TRIM23: variants seen among roughly 807,000 people sequenced by gnomAD.
TRIM23 encodes E3 ubiquitin-protein ligase TRIM23.
A neutral mutation model predicts 71.0 loss-of-function variants in TRIM23; 27 were observed. The observed-to-expected ratio is 0.38, with a 90% CI of 0.28 to 0.52. The LOEUF is 0.52. Ranked by LOEUF, TRIM23 falls within the 20% of genes least tolerant of loss-of-function variation. The pLI is 0.84. For synonymous variants in TRIM23, 234 were observed against 238.0 expected (o/e 0.98, Z 0.16); for missense variants, 482 against 692.3 (o/e 0.70, Z 3.41).
intron 3 of TRIM23, 153 bp downstream of exon 3, chr5:65,613,945 T>C (rs1754717068): frequency 6.6e-7 from 1 of 1,524,614 alleles, no homozygotes; most frequent in East Asian, 2.4e-5. Flanking sequence ...CTCTTGGGAA[T>C]AGTGTTGGCC....
rs539033958 is a variant in TRIM23 at position 65,598,277 on chromosome 5, A to G, written c.1180-1097T>C. Among the ~76,000 whole-genome samples the G allele has an allele frequency of 7.2e-5, 11 of 152,344 alleles. 1 individual carries two copies. The East Asian group carries it at 2.1e-3, about 29-fold the overall frequency. On this transcript the variant is annotated intron_variant, in intron 7 of 10. Transcript: ENST00000231524. ...ACAGAACTACTTCTGTGAGAACTCT[A>G]GAGAACAGTTAAGAAACTACAGCAC...
intron 5 of TRIM23, 41 bp downstream of exon 5, chr5:65,610,820 T>C: frequency 6.6e-7 from 1 of 1,505,474 alleles, no homozygotes; most frequent in Non-Finnish European, 8.9e-7. Flanking sequence ...ATATGAAAAA[T>C]AAAAAAGAAT....
In TRIM23 at chr5:65,614,200, TC is replaced by T; in HGVS notation, c.263del (p.Gly88AspfsTer2). 1 of 1,613,536 alleles carries T rather than the reference TC, an allele frequency of 6.2e-7. No individual in the cohort carries two copies. The highest frequency in any genetic ancestry group is 1.1e-5 in the South Asian group (1 of 91,066). ...CCAATAAAGCAAAATTTTTTTTCAATCCCCAGACACCTGAATCACCTAGAAT... is the reference window on the plus strand; with the variant it reads ...CCAATAAAGCAAAATTTTTTTTCAATCCCAGACACCTGAATCACCTAGAAT... The part of the protein sequence containing the change: ...VTDLGDSGVW[G>X]LKKNFALLEL... On this transcript the variant is annotated frameshift_variant, in exon 3 of 11. Transcript: ENST00000231524. LOFTEE classifies it high-confidence loss of function.
At chr5:65,605,314 C>A (rs1205693715) in intron 6 of TRIM23, among the ~76,000 whole-genome samples, 2 of 152,112 alleles carry the variant, frequency 1.3e-5, no homozygotes, top group Admixed American at 6.6e-5. Context: ...ATTTCACAAA[C>A]ATAATGTGGA....
intron 7 of TRIM23, among the ~76,000 whole-genome samples, chr5:65,603,840 A>T (rs1323207449): frequency 6.6e-6 from 1 of 152,236 alleles, no homozygotes; most frequent in African/African-American, 2.4e-5. Flanking sequence ...AAAATAAAGC[A>T]ACCATTAAAA....
At chr5:65,606,478 AAAAAAAC>A (rs1754507288) in intron 6 of TRIM23, among the ~76,000 whole-genome samples, 1 of 143,862 alleles carries the variant, frequency 7.0e-6, no homozygotes, top group African/African-American at 2.6e-5. Flanking sequence ...CAAAAAAAAA[AAAAAAAC>A]AATTGAAGTC....
intron 2 of TRIM23, 31 bp from the exon 3 acceptor site, chr5:65,614,250 C>G (rs370061755): frequency 1.3e-6 from 2 of 1,590,280 alleles, no homozygotes; most frequent in Non-Finnish European, 1.7e-6. Context: ...AAAACTAAAT[C>G]TAACAAAATG....
chr5:65,591,101 G>GC lies in TRIM23; in HGVS notation c.*667dup. On this transcript the variant is annotated 3_prime_UTR_variant, in exon 11 of 11. Transcript: ENST00000231524. ...GTTCAGTTTATTACTAACCTGACAA[G>GC]CCTAATTGGGTAACATTTCACTCCC... is the stretch of plus-strand genomic sequence containing the variant. 3 of 1,026,104 alleles carry GC rather than the reference G, an allele frequency of 2.9e-6. No homozygotes were observed. The highest frequency in any genetic ancestry group is 3.5e-6 in the Non-Finnish European group (3 of 856,744). 63.6% of individuals were successfully genotyped at this position (1,026,104 alleles called of 1,614,324 possible).
intron 2 of TRIM23, 73 bp from the exon 3 acceptor site, chr5:65,614,292 G>A (rs1316888513): frequency 4.2e-6 from 6 of 1,441,626 alleles, no homozygotes; most frequent in Non-Finnish European, 5.8e-6. Context: ...TACCTCAAAA[G>A]TAATTTCTAA....
At chr5:65,596,279 T>C (rs1450675072) in intron 9 of TRIM23, 142 bp downstream of exon 9, 1 of 632,516 alleles carries the variant, frequency 1.6e-6, no homozygotes, top group Non-Finnish European at 2.8e-6. Context: ...TTTCATTTTT[T>C]ACAAGTTAAG....
chr5:65,618,640 CAAAT>C (rs1754837235), intron 1 of TRIM23, among the ~76,000 whole-genome samples: 1 of 152,172 alleles, frequency 6.6e-6, no homozygotes, highest in African/African-American at 2.4e-5. Flanking sequence ...AATTTCAACA[CAAAT>C]AAACTATCAT....
At chr5:65,617,490 T>C (rs1754805826) in intron 2 of TRIM23, among the ~76,000 whole-genome samples, 3 of 152,192 alleles carry the variant, frequency 2.0e-5, no homozygotes, top group Non-Finnish European at 4.4e-5. Context: ...GTAAAATAAC[T>C]GTTCAAATGT....
rs746537315 is a variant in TRIM23 at position 65,609,302 on chromosome 5, T to A, written c.985A>T (p.Thr329Ser). ...IWLRQQQEDM[T>S]ILLSEVSAAC... is the part of the protein sequence containing the mutation. The stretch of plus-strand genomic sequence containing the variant: ...GCAGAAACCTCTGACAACAAAATAG[T>A]CATATCTTCTTGTTGCTGCCTGAGC... The change falls in exon 6 of 11, where the codon ACT (threonine) becomes TCT (serine). Residue 329 changes from threonine to serine, a missense_variant. Physicochemically the swap from Thr to Ser is moderately conservative, Grantham distance 58. Coordinates refer to ENST00000231524, the MANE Select transcript of TRIM23 (RefSeq NM_001656.4). 1.9e-6 allele frequency: 3 copies of A among 1,614,046 alleles called. No homozygotes were observed.
chr5:65,591,517 A>T lies in TRIM23; in HGVS notation c.*252T>A, dbSNP rs774900360. On this transcript the variant is annotated 3_prime_UTR_variant, in exon 11 of 11. Transcript: ENST00000231524. ...TATCTGAAAAACTTAAATAACAAATATACTTTTTAAAAGAATGTATATTCA... is the reference window on the plus strand; with the variant it reads ...TATCTGAAAAACTTAAATAACAAATTTACTTTTTAAAAGAATGTATATTCA... The T allele has an allele frequency of 1.8e-5, 28 of 1,537,110 alleles. No homozygotes were observed. In the African/African-American group the frequency reaches 3.4e-4, roughly 18 times the overall value.
At chr5:65,624,110 CT>C (rs2150648693) in intron 1 of TRIM23, 83 bp downstream of exon 1, 1 of 1,567,916 alleles carries the variant, frequency 6.4e-7, no homozygotes, top group Admixed American at 1.7e-5. Flanking sequence ...CTATCGAAGC[CT>C]GGGCCGCGGC....
intron 1 of TRIM23, 87 bp downstream of exon 1, chr5:65,624,107 A>C (rs1242325443): frequency 1.9e-6 from 3 of 1,546,304 alleles, no homozygotes; most frequent in African/African-American, 1.4e-5. Context: ...CACCTATCGA[A>C]GCCTGGGCCG....
At chr5:65,595,232 A>G (rs1054326766) in intron 9 of TRIM23, among the ~76,000 whole-genome samples, 2 of 151,932 alleles carry the variant, frequency 1.3e-5, no homozygotes, top group Non-Finnish European at 2.9e-5. Context: ...CAATATAGTG[A>G]GACCTTATCT....
chr5:65,603,651 A>T (rs1237112558), intron 7 of TRIM23, among the ~76,000 whole-genome samples: 2 of 152,204 alleles, frequency 1.3e-5, no homozygotes, highest in East Asian at 3.8e-4. Context: ...TTGACTCTGG[A>T]TCACATAAAC....
At chr5:65,601,360 A>T (rs1754361031) in intron 7 of TRIM23, among the ~76,000 whole-genome samples, 1 of 152,208 alleles carries the variant, frequency 6.6e-6, no homozygotes, top group African/African-American at 2.4e-5. Context: ...GTTTAATTAG[A>T]CTTACAGTTC....
Sources: allele counts gnomAD v4.1 joint callset (sites outside exome capture counted in the v4.1 genomes callset), GRCh38; gene constraint gnomAD v4.1.1; transcripts MANE v1.5; gene names NCBI Gene and HGNC (gene_info 2026-07-23, HGNC 2026-07-21).